Variants in MSRB3 observed in about 807,000 individuals in gnomAD.
MSRB3 encodes methionine-R-sulfoxide reductase B3.
Under a neutral mutation model 21.0 loss-of-function variants are expected in MSRB3, and 13 were observed. The observed-to-expected ratio is 0.62, with a 90% CI of 0.40 to 0.98. MSRB3 has a LOEUF of 0.98. Ranked by LOEUF, MSRB3 falls within the 50% of genes least tolerant of loss-of-function variation. MSRB3 has a pLI of 0.00. For synonymous variants in MSRB3, 87 were observed against 88.6 expected, an observed-to-expected ratio of 0.98 and a Z score of 0.10; for missense variants, 199 against 230.3, an observed-to-expected ratio of 0.86 and a Z score of 0.88.
At chr12:65,314,486 A>G (rs1157495711) in intron 2 of MSRB3, among the ~76,000 whole-genome samples, 4 of 152,120 alleles carry the variant, frequency 2.6e-5, no homozygotes, top group Non-Finnish European at 5.9e-5. Flanking sequence ...TAGTAGCCCT[A>G]TAATATAATA....
At chr12:65,369,560 T>G (rs1332138476) in intron 5 of MSRB3, among the ~76,000 whole-genome samples, 1 of 152,148 alleles carries the variant, frequency 6.6e-6, no homozygotes, top group African/African-American at 2.4e-5. Context: ...AAATTTACAT[T>G]CTCACAAGCA....
At chr12:65,459,226 C>G (rs975619099) in intron 6 of MSRB3, among the ~76,000 whole-genome samples, 12 of 152,126 alleles carry the variant, frequency 7.9e-5, no homozygotes, top group Non-Finnish European at 1.5e-4. Flanking sequence ...TGTTTAAGAT[C>G]ATTATTAATT....
intron 1 of MSRB3, among the ~76,000 whole-genome samples, chr12:65,295,092 A>G (rs937789692): frequency 6.6e-6 from 1 of 152,214 alleles, no homozygotes; most frequent in African/African-American, 2.4e-5. Context: ...CAACTGCCAA[A>G]GTGCTGAGAT....
chr12:65,332,893 T>A (rs1875522361), intron 4 of MSRB3, among the ~76,000 whole-genome samples: 1 of 152,258 alleles, frequency 6.6e-6, no homozygotes, highest in Non-Finnish European at 1.5e-5. Flanking sequence ...ATTCACAGCC[T>A]TCTTATAAAC....
In MSRB3 at chr12:65,319,085, C is replaced by T. The variant is rs141061225; in HGVS notation, c.77-7741C>T. 3.0e-4 allele frequency among the ~76,000 whole-genome samples: 46 copies of T among 152,158 alleles called. 1 individual carries two copies. In the East Asian group the frequency reaches 6.8e-3, roughly 22 times the overall value. On this transcript the variant is annotated intron_variant, in intron 2 of 6. Coordinates refer to ENST00000308259, the MANE Select transcript of MSRB3 (RefSeq NM_001031679.3). ...CTATTAAGGTTAGAACTTTAAAGGA[C>T]GTTAATAACCTTTCAGTACTGTGAA...
At chr12:65,393,137 A>G (rs1555208883) in intron 5 of MSRB3, among the ~76,000 whole-genome samples, 1 of 151,642 alleles carries the variant, frequency 6.6e-6, no homozygotes, top group South Asian at 2.1e-4. Flanking sequence ...TTTTCTTGAT[A>G]GTATTATCCC....
At chr12:65,368,775 C>G (rs1592571294) in intron 4 of MSRB3, among the ~76,000 whole-genome samples, 1 of 152,042 alleles carries the variant, frequency 6.6e-6, no homozygotes, top group Non-Finnish European at 1.5e-5. Flanking sequence ...AAGTTAATGT[C>G]TTTTCCATAT....
intron 5 of MSRB3, among the ~76,000 whole-genome samples, chr12:65,421,551 A>C (rs867237497): frequency 6.6e-6 from 1 of 152,234 alleles, no homozygotes; most frequent in Non-Finnish European, 1.5e-5. Flanking sequence ...TTCTATGTCC[A>C]GAATGGTATT....
chr12:65,430,161 G>A (rs1052108916), intron 5 of MSRB3, among the ~76,000 whole-genome samples: 8 of 152,146 alleles, frequency 5.3e-5, no homozygotes, highest in Admixed American at 4.6e-4. Flanking sequence ...CAGTGAAGTG[G>A]ACGACACATT....
chr12:65,384,661 C>T (rs982697191), intron 5 of MSRB3, among the ~76,000 whole-genome samples: 1 of 151,988 alleles, frequency 6.6e-6, no homozygotes, highest in African/African-American at 2.4e-5. Context: ...TCAAATTGTG[C>T]CTTCTTTTTA....
At chr12:65,365,159 A>G (rs534393879) in intron 4 of MSRB3, among the ~76,000 whole-genome samples, 25 of 151,740 alleles carry the variant, frequency 1.6e-4, no homozygotes, top group African/African-American at 6.0e-4. Flanking sequence ...TAATATACAG[A>G]TTCATTTGTT....
chr12:65,437,394 T>A (rs1418583120), intron 5 of MSRB3, among the ~76,000 whole-genome samples: 1 of 151,942 alleles, frequency 6.6e-6, no homozygotes, highest in Non-Finnish European at 1.5e-5. Context: ...AGGCTTTTTC[T>A]TATTCTTTAT....
intron 5 of MSRB3, among the ~76,000 whole-genome samples, chr12:65,386,986 T>C (rs1170236487): frequency 6.6e-6 from 1 of 152,048 alleles, no homozygotes; most frequent in African/African-American, 2.4e-5. Flanking sequence ...AGACTATATA[T>C]CCTGATATTT....
intron 2 of MSRB3, among the ~76,000 whole-genome samples, chr12:65,312,558 T>A (rs1243200333): frequency 2.6e-5 from 4 of 152,088 alleles, no homozygotes; most frequent in Non-Finnish European, 5.9e-5. Context: ...TTTTCTACCC[T>A]CATACATATA....
At chr12:65,339,148 A>G (rs1278267355) in intron 4 of MSRB3, among the ~76,000 whole-genome samples, 1 of 152,218 alleles carries the variant, frequency 6.6e-6, no homozygotes, top group Non-Finnish European at 1.5e-5. Context: ...AGGCAGACAT[A>G]CTAACAGAAA....
intron 5 of MSRB3, among the ~76,000 whole-genome samples, chr12:65,414,553 T>G (rs1237298225): frequency 6.6e-6 from 1 of 152,200 alleles, no homozygotes; most frequent in African/African-American, 2.4e-5. Context: ...CTAGGAGCAA[T>G]GGGCGATAGC....
At chr12:65,408,163 C>T (rs1330719713) in intron 5 of MSRB3, among the ~76,000 whole-genome samples, 1 of 151,998 alleles carries the variant, frequency 6.6e-6, no homozygotes, top group East Asian at 1.9e-4. Flanking sequence ...GGTGCGATCT[C>T]AGCTCACTGC....
At chr12:65,302,379 G>A (rs1398783053) in intron 1 of MSRB3, among the ~76,000 whole-genome samples, 2 of 152,126 alleles carry the variant, frequency 1.3e-5, no homozygotes, top group Admixed American at 6.5e-5. Flanking sequence ...TCTTTCCTGT[G>A]AAATTCTGTA....
intron 5 of MSRB3, among the ~76,000 whole-genome samples, chr12:65,439,510 A>G (rs1882274368): frequency 6.6e-6 from 1 of 151,706 alleles, no homozygotes. Flanking sequence ...ACATTAGAAG[A>G]TGATATATCA....
Sources: gnomAD v4.1 joint callset for allele counts (sites outside exome capture counted in the v4.1 genomes callset) on GRCh38, gnomAD v4.1.1 for gene constraint, MANE v1.5 for transcripts, NCBI Gene and HGNC (gene_info 2026-07-23, HGNC 2026-07-21) for gene names.